SLC35F4: variants seen among roughly 807,000 people sequenced by gnomAD.
SLC35F4 encodes the protein solute carrier family 35 member F4.
SLC35F4 carries 24 observed loss-of-function variants against 44.2 expected under a neutral mutation model. The ratio of observed to expected loss-of-function variants is 0.54; its 90% CI spans 0.39 to 0.76. The LOEUF is 0.76. Among genes scored for constraint, SLC35F4 ranks in the 30% least tolerant of loss-of-function variants. The pLI, the probability that SLC35F4 is intolerant of heterozygous loss-of-function variation, is 0.00. For missense variants in SLC35F4, 562 were observed against 586.1 expected (o/e 0.96, Z 0.42); for synonymous variants, 238 against 223.6 (o/e 1.06, Z -0.57).
At chr14:57,626,223 T>C (rs1186222153) in intron 1 of SLC35F4, among the ~76,000 whole-genome samples, 1 of 144,478 alleles carries the variant, frequency 6.9e-6, no homozygotes, top group African/African-American at 2.6e-5. Context: ...GTAATGTAAA[T>C]GACGGGTTGA....
At chr14:57,690,185 CT>C (rs1354841285) in intron 1 of SLC35F4, among the ~76,000 whole-genome samples, 1 of 152,200 alleles carries the variant, frequency 6.6e-6, no homozygotes, top group Non-Finnish European at 1.5e-5. Flanking sequence ...GGCCCTAACA[CT>C]TTTTACAAAT....
chr14:57,951,940 G>A (rs1265236734), intron 1 of SLC35F4, among the ~76,000 whole-genome samples: 1 of 152,174 alleles, frequency 6.6e-6, no homozygotes, highest in Non-Finnish European at 1.5e-5. Context: ...CTCTGCTAAG[G>A]GACAGACTGC....
chr14:57,710,236 A>T (rs1351744719), intron 1 of SLC35F4, among the ~76,000 whole-genome samples: 1 of 152,262 alleles, frequency 6.6e-6, no homozygotes, highest in Non-Finnish European at 1.5e-5. Flanking sequence ...AGAGGGTGCA[A>T]GCCCTAAGCC....
chr14:57,662,087 G>A (rs8015625), intron 1 of SLC35F4, among the ~76,000 whole-genome samples: 20,602 of 152,126 alleles, frequency 0.14, 1,673 homozygotes, highest in African/African-American at 0.22. Context: ...CTGTGTTTCC[G>A]GATTTTGCTG....
In SLC35F4 at chr14:57,705,452, C is replaced by G. The variant is rs117686827; in HGVS notation, c.104-111328G>C. ...CACTTATTCTCTGCCCTTCTCTGCTCTACTCCGCATCCCAGAAAGCTGCCC... is the reference window on the plus strand; with the variant it reads ...CACTTATTCTCTGCCCTTCTCTGCTGTACTCCGCATCCCAGAAAGCTGCCC... On this transcript the variant is annotated intron_variant, in intron 1 of 7. Transcript: ENST00000556826. Among the ~76,000 whole-genome samples, 33 of 152,312 alleles carry G rather than the reference C, an allele frequency of 2.2e-4. 1 individual carries two copies. In the East Asian group the frequency reaches 6.2e-3, roughly 29 times the overall value.
chr14:57,665,863 C>T (rs766595036), intron 1 of SLC35F4, among the ~76,000 whole-genome samples: 9 of 152,108 alleles, frequency 5.9e-5, no homozygotes, highest in Non-Finnish European at 1.3e-4. Flanking sequence ...TTCTCCTTAG[C>T]GAATTAGCAC....
rs562550424 is a variant in SLC35F4 at position 57,951,300 on chromosome 14, A to C, written n.282+30613T>G. On this transcript the variant is annotated intron_variant and non_coding_transcript_variant, in intron 1 of 1. Transcript: ENST00000556568. The stretch of plus-strand genomic sequence containing the variant: ...TGGTCTTCACAACCTGCAGACCAGG[A>C]GATTCCCTTGGGTGCCTACACCACC... Among the ~76,000 whole-genome samples, 3 of 152,294 alleles carry C rather than the reference A, an allele frequency of 2.0e-5. No homozygotes were observed. The South Asian group carries it at 6.2e-4, about 32-fold the overall frequency.
chr14:57,808,300 A>T (rs568534668), intron 1 of SLC35F4, among the ~76,000 whole-genome samples: 1 of 152,036 alleles, frequency 6.6e-6, no homozygotes, highest in East Asian at 1.9e-4. Context: ...AGCAACTGGA[A>T]TCCGCTCCAC....
intron 1 of SLC35F4, among the ~76,000 whole-genome samples, chr14:57,838,889 C>A (rs1885206948): frequency 6.6e-6 from 1 of 152,044 alleles, no homozygotes; most frequent in Non-Finnish European, 1.5e-5. Flanking sequence ...ATAGAGAATT[C>A]ACATGAGAAT....
chr14:57,907,263 C>T (rs1383275984), intron 1 of SLC35F4, among the ~76,000 whole-genome samples: 2 of 152,098 alleles, frequency 1.3e-5, no homozygotes, highest in African/African-American at 2.4e-5. Context: ...TGCTATTGTA[C>T]ACTTTATAGA....
intron 1 of SLC35F4, among the ~76,000 whole-genome samples, chr14:57,749,178 T>C (rs534877447): frequency 4.6e-4 from 70 of 152,294 alleles, no homozygotes; most frequent in African/African-American, 1.7e-3. Flanking sequence ...ATGAATACTC[T>C]CCAAATGTCC....
At chr14:57,940,380 G>C (rs539942165) in intron 1 of SLC35F4, among the ~76,000 whole-genome samples, 1 of 152,116 alleles carries the variant, frequency 6.6e-6, no homozygotes, top group Non-Finnish European at 1.5e-5. Flanking sequence ...CTAAAAAATA[G>C]TTCATTCTGT....
chr14:57,703,016 T>A (rs375799144), intron 1 of SLC35F4, among the ~76,000 whole-genome samples: 3 of 151,952 alleles, frequency 2.0e-5, no homozygotes, highest in African/African-American at 7.3e-5. Flanking sequence ...ACAGTGTAGA[T>A]TGATTTTGCA....
intron 1 of SLC35F4, among the ~76,000 whole-genome samples, chr14:57,787,598 C>T (rs986741163): frequency 2.0e-5 from 3 of 152,108 alleles, no homozygotes; most frequent in Non-Finnish European, 4.4e-5. Context: ...GGATTGGGGC[C>T]TATCTTCAAT....
At chr14:57,800,031 G>A (rs114484666) in intron 1 of SLC35F4, among the ~76,000 whole-genome samples, 1,603 of 152,252 alleles carry the variant, frequency 0.011, 27 homozygotes, top group African/African-American at 0.037. Flanking sequence ...TCTTTAAGCC[G>A]GACCCCAATC....
At chr14:57,632,137 G>T (rs58304471) in intron 1 of SLC35F4, among the ~76,000 whole-genome samples, 14,628 of 151,680 alleles carry the variant, frequency 0.096, 1,350 homozygotes, top group African/African-American at 0.24. Context: ...TTTATATGCA[G>T]GTTTAATTTT....
intron 1 of SLC35F4, among the ~76,000 whole-genome samples, chr14:57,743,843 C>T (rs919673241): frequency 5.3e-5 from 8 of 152,166 alleles, no homozygotes; most frequent in African/African-American, 1.7e-4. Context: ...TACTGGCAAA[C>T]CGAATCCAGC....
intron 1 of SLC35F4, among the ~76,000 whole-genome samples, chr14:57,927,959 T>C (rs1286280066): frequency 6.6e-6 from 1 of 152,172 alleles, no homozygotes; most frequent in Admixed American, 6.5e-5. Context: ...CCTACTTTTT[T>C]TCTGAACAAT....
At chr14:57,761,728 TA>T (rs1338618114) in intron 1 of SLC35F4, among the ~76,000 whole-genome samples, 1 of 152,168 alleles carries the variant, frequency 6.6e-6, no homozygotes, top group Non-Finnish European at 1.5e-5. Flanking sequence ...TTTCCTTAAA[TA>T]AAGCATAAAA....
Sources: gnomAD v4.1 joint callset for allele counts (sites outside exome capture counted in the v4.1 genomes callset) on GRCh38, gnomAD v4.1.1 for gene constraint, MANE v1.5 for transcripts, NCBI Gene and HGNC (gene_info 2026-07-23, HGNC 2026-07-21) for gene names.